Variants in COX7B2 observed in about 807,000 individuals in gnomAD.
COX7B2 encodes cytochrome c oxidase subunit 7B2, also known as cytochrome c oxidase subunit 7B2, mitochondrial.
For missense variants in COX7B2, 109 were observed against 95.9 expected (o/e 1.14, Z -0.57); for synonymous variants, 37 against 32.1 (o/e 1.15, Z -0.51).
intron 2 of COX7B2, among the ~76,000 whole-genome samples, chr4:46,773,837 C>T (rs767330190): frequency 6.6e-6 from 1 of 152,040 alleles, no homozygotes; most frequent in Non-Finnish European, 1.5e-5. Context: ...CTATAGACTG[C>T]CACTTTGAGG....
chr4:46,776,964 G>A (rs1404572161), intron 2 of COX7B2, among the ~76,000 whole-genome samples: 1 of 152,154 alleles, frequency 6.6e-6, no homozygotes, highest in Non-Finnish European at 1.5e-5. Flanking sequence ...CAGTAAGATG[G>A]TTCTGTCAAC....
intron 2 of COX7B2, among the ~76,000 whole-genome samples, chr4:46,819,449 A>G (rs1327755180): frequency 4.0e-5 from 6 of 151,884 alleles, no homozygotes; most frequent in Non-Finnish European, 5.9e-5. Flanking sequence ...GGGGTGTCCA[A>G]TCTTTTGGCT....
chr4:46,812,276 T>C (rs1719321664), intron 2 of COX7B2, among the ~76,000 whole-genome samples: 1 of 151,878 alleles, frequency 6.6e-6, no homozygotes, highest in Non-Finnish European at 1.5e-5. Flanking sequence ...GAGGCCTATC[T>C]CTCTGAGGCA....
intron 2 of COX7B2, among the ~76,000 whole-genome samples, chr4:46,801,807 C>T (rs1372871386): frequency 1.3e-5 from 2 of 152,062 alleles, no homozygotes; most frequent in East Asian, 1.9e-4. Flanking sequence ...AATATTTGTC[C>T]TAATCATTTC....
At chr4:46,854,088 C>T (rs1386876318) in intron 1 of COX7B2, among the ~76,000 whole-genome samples, 1 of 152,090 alleles carries the variant, frequency 6.6e-6, no homozygotes, top group African/African-American at 2.4e-5. Context: ...AATTAGACTA[C>T]TTGTTGATTT....
At chr4:46,824,150 A>C (rs1351814762) in intron 2 of COX7B2, among the ~76,000 whole-genome samples, 1 of 152,150 alleles carries the variant, frequency 6.6e-6, no homozygotes, top group Non-Finnish European at 1.5e-5. Flanking sequence ...ACCAATAATG[A>C]GCTCCAAAAT....
intron 2 of COX7B2, among the ~76,000 whole-genome samples, chr4:46,741,742 T>C (rs920664585): frequency 1.3e-5 from 2 of 152,110 alleles, no homozygotes; most frequent in African/African-American, 4.8e-5. Context: ...TTGAACTAAT[T>C]TAGTTTTTCC....
chr4:46,772,019 A>G (rs1193604985), intron 2 of COX7B2, among the ~76,000 whole-genome samples: 1 of 152,150 alleles, frequency 6.6e-6, no homozygotes, highest in African/African-American at 2.4e-5. Flanking sequence ...TATTCACAAC[A>G]TGCAAGATGT....
chr4:46,862,161 T>C lies in COX7B2; in HGVS notation c.-104-17147A>G, dbSNP rs148870599. On this transcript the variant is annotated intron_variant, in intron 1 of 2. Transcript: ENST00000355591. ...AGAACAATCCTATCAACCCCTTCCC[T>C]CTCTCCCCTTATTAAAAAGGAGAAA... 7.8e-3 allele frequency among the ~76,000 whole-genome samples: 1,187 copies of C among 152,248 alleles called. 18 individuals carry two copies. The highest frequency in any genetic ancestry group is 0.027 in the African/African-American group (1,142 of 41,528).
intron 1 of COX7B2, among the ~76,000 whole-genome samples, chr4:46,901,515 T>C (rs1162256949): frequency 6.6e-6 from 1 of 152,230 alleles, no homozygotes; most frequent in Non-Finnish European, 1.5e-5. Flanking sequence ...GATAGTACAG[T>C]TTAATCTATT....
At chr4:46,826,271 C>A (rs947414772) in intron 2 of COX7B2, among the ~76,000 whole-genome samples, 19 of 152,008 alleles carry the variant, frequency 1.2e-4, no homozygotes, top group African/African-American at 4.6e-4. Context: ...ATGAAAAAAT[C>A]TCAGTGTTAT....
chr4:46,886,961 A>T lies in COX7B2; in HGVS notation c.-105+22199T>A, dbSNP rs548836074. On this transcript the variant is annotated intron_variant, in intron 1 of 2. Transcript: ENST00000355591. ...TTGGTGTGGAAAAAAAATCGCAGAC[A>T]TATTTTAAACTCGACACAGGAAGCT... is the stretch of plus-strand genomic sequence containing the variant. 3.3e-5 allele frequency among the ~76,000 whole-genome samples: 5 copies of T among 152,258 alleles called. No homozygotes were observed. In the South Asian group the frequency reaches 1.0e-3, roughly 31 times the overall value.
intron 2 of COX7B2, among the ~76,000 whole-genome samples, chr4:46,768,847 G>A (rs1349561183): frequency 6.6e-6 from 1 of 151,922 alleles, no homozygotes; most frequent in Non-Finnish European, 1.5e-5. Flanking sequence ...ACTAAAAAGA[G>A]ACTCAAAATT....
chr4:46,774,290 G>C (rs769043186), intron 2 of COX7B2, among the ~76,000 whole-genome samples: 31 of 152,028 alleles, frequency 2.0e-4, no homozygotes, highest in Non-Finnish European at 3.7e-4. Context: ...CTTAGGGTCT[G>C]GTTCGTCTAT....
chr4:46,884,851 A>G (rs912449526), intron 1 of COX7B2, among the ~76,000 whole-genome samples: 7 of 149,318 alleles, frequency 4.7e-5, no homozygotes, highest in Admixed American at 6.7e-5. Context: ...TGTATTGAAT[A>G]TTGGCTTCAA....
intron 2 of COX7B2, among the ~76,000 whole-genome samples, chr4:46,823,956 T>C (rs931047027): frequency 6.6e-6 from 1 of 151,144 alleles, no homozygotes; most frequent in Non-Finnish European, 1.5e-5. Context: ...AAAAGACAAT[T>C]TTAAAATACT....
intron 1 of COX7B2, among the ~76,000 whole-genome samples, chr4:46,880,990 T>C (rs1261148623): frequency 2.5e-5 from 2 of 80,540 alleles, no homozygotes; most frequent in East Asian, 9.6e-4. Context: ...ACTTAGAGTA[T>C]AATAAAAAAA....
In COX7B2 at chr4:46,877,844, T is replaced by C. The variant is rs564755335; in HGVS notation, c.-105+31316A>G. ...GAAGGTTCCTAAAAAACAAAAACCA[T>C]AACAACCACATAACCCTGCAATATC... is the stretch of plus-strand genomic sequence containing the variant. On this transcript the variant is annotated intron_variant, in intron 1 of 2. Transcript: ENST00000355591. Among the ~76,000 whole-genome samples the C allele has an allele frequency of 3.3e-5, 5 of 152,134 alleles. No individual in the cohort carries two copies. In the East Asian group the frequency reaches 9.7e-4, roughly 29 times the overall value.
chr4:46,740,063 T>C (rs1417133782), intron 2 of COX7B2, among the ~76,000 whole-genome samples: 3 of 152,114 alleles, frequency 2.0e-5, no homozygotes, highest in African/African-American at 7.2e-5. Flanking sequence ...ACCTGGATGA[T>C]GCAGCTTATC....
Sources: allele counts gnomAD v4.1 joint callset (sites outside exome capture counted in the v4.1 genomes callset), GRCh38; gene constraint gnomAD v4.1.1; transcripts MANE v1.5; gene names NCBI Gene and HGNC (gene_info 2026-07-23, HGNC 2026-07-21).